Variants in PARM1 observed in about 807,000 individuals in gnomAD.
PARM1 encodes WSC4, cell wall integrity and stress response component 4 homolog.
PARM1 carries 14 observed loss-of-function variants against 24.6 expected under a neutral mutation model. The observed-to-expected ratio is 0.57, with a 90% CI of 0.38 to 0.89. The LOEUF (loss-of-function observed/expected upper bound fraction) is 0.89. Among genes scored for constraint, PARM1 ranks in the 40% least tolerant of loss-of-function variants. The pLI, the probability that PARM1 is intolerant of heterozygous loss-of-function variation, is 0.00. For synonymous variants in PARM1, 179 were observed against 156.6 expected (o/e 1.14, Z -1.07); for missense variants, 362 against 380.4 (o/e 0.95, Z 0.40).
In PARM1 at chr4:75,033,895, C is replaced by T; in HGVS notation, c.782C>T (p.Ala261Val). The change falls in exon 3 of 4, where the codon GCC becomes GTC. Residue 261 changes from alanine to valine, a missense_variant. Transcript: ENST00000307428. Reference sequence around the variant, plus strand: ...TCCTCCTTCACAGGCAGCATCGCCGCCATTACCGTGACAGTCATTGCCGTG... The same window carrying T: ...TCCTCCTTCACAGGCAGCATCGCCGTCATTACCGTGACAGTCATTGCCGTG... ...EHALSSGSIA[A>V]ITVTVIAVVL... 1 of 1,601,512 alleles carries T rather than the reference C, an allele frequency of 6.2e-7. No individual in the cohort carries two copies. The highest frequency in any genetic ancestry group is 8.5e-7 in the Non-Finnish European group (1 of 1,173,864).
chr4:74,940,286 GT>G (rs1337674529), intron 1 of PARM1, among the ~76,000 whole-genome samples: 1 of 152,126 alleles, frequency 6.6e-6, no homozygotes, highest in Non-Finnish European at 1.5e-5. Flanking sequence ...TTATGACATG[GT>G]TTTAGTTTTG....
chr4:74,994,214 GACAAATTCCTAAAAATCAAAA>G (rs1387271844), intron 1 of PARM1: 1 of 152,052 alleles, frequency 6.6e-6, no homozygotes, highest in Non-Finnish European at 1.5e-5. Context: ...ACTCCCAAGA[GACAAATTCCTAAAAATCAAAA>G]ACATAATTAC....
intron 2 of PARM1, among the ~76,000 whole-genome samples, chr4:75,027,148 T>A (rs1723197941): frequency 6.6e-6 from 1 of 152,112 alleles, no homozygotes; most frequent in Non-Finnish European, 1.5e-5. Flanking sequence ...ATACAGAGGC[T>A]GGCACTACTC....
At chr4:74,982,236 C>T (rs1472105708) in intron 1 of PARM1, among the ~76,000 whole-genome samples, 2 of 152,030 alleles carry the variant, frequency 1.3e-5, no homozygotes, top group African/African-American at 4.8e-5. Flanking sequence ...TAACTGGGAG[C>T]CGAACAATGT....
intron 1 of PARM1, among the ~76,000 whole-genome samples, chr4:75,009,656 A>G (rs1722835273): frequency 6.6e-6 from 1 of 152,204 alleles, no homozygotes; most frequent in African/African-American, 2.4e-5. Context: ...CCATAACTAA[A>G]GTGACATGTG....
At chr4:74,937,268 TG>T (rs1387428439) in intron 1 of PARM1, among the ~76,000 whole-genome samples, 3 of 152,282 alleles carry the variant, frequency 2.0e-5, no homozygotes, top group Non-Finnish European at 4.4e-5. Flanking sequence ...CATGATTTGT[TG>T]GGGGTGGTTG....
intron 3 of PARM1, among the ~76,000 whole-genome samples, chr4:75,034,274 A>G (rs1339224603): frequency 3.3e-5 from 5 of 152,198 alleles, no homozygotes; most frequent in Non-Finnish European, 7.3e-5. Context: ...ACCCTGGGAA[A>G]GCCACATGCC....
intron 1 of PARM1, among the ~76,000 whole-genome samples, chr4:74,985,415 C>G (rs1722332293): frequency 6.6e-6 from 1 of 152,166 alleles, no homozygotes; most frequent in African/African-American, 2.4e-5. Context: ...TGCTGGGGCC[C>G]ATGGAAGACT....
rs1035952367 is a variant in PARM1, at chr4:75,033,838, C to G, written c.770-45C>G. On this transcript the variant is annotated intron_variant, in intron 2 of 3. Coordinates refer to ENST00000307428, the MANE Select transcript of PARM1 (RefSeq NM_015393.4). ...CGCACGCCAAAGTCACATGATGCCCCGTATCCTCATGTATCTTCTTTTCTG... is the reference window on the plus strand; with the variant it reads ...CGCACGCCAAAGTCACATGATGCCCGGTATCCTCATGTATCTTCTTTTCTG... 6.0e-6 allele frequency: 9 copies of G among 1,505,718 alleles called. No homozygotes were observed. The African/African-American group carries it at 8.3e-5, about 14-fold the overall frequency. 93.3% of individuals were successfully genotyped at this position (1,505,718 alleles called of 1,614,324 possible). A position where few individuals can be genotyped will look rare whatever the true frequency, so the allele number is the denominator to read the frequency against.
chr4:75,023,158 G>A lies in PARM1; in HGVS notation c.769+10008G>A, dbSNP rs536099097. Reference sequence around the variant, plus strand: ...CCATATTTCCATGTGGAGAAATCACGGAGTCATTTCAAAGACAGGCTGTAG... The same window carrying A: ...CCATATTTCCATGTGGAGAAATCACAGAGTCATTTCAAAGACAGGCTGTAG... On this transcript the variant is annotated intron_variant, in intron 2 of 3. Transcript: ENST00000307428. 1.9e-4 allele frequency among the ~76,000 whole-genome samples: 29 copies of A among 152,262 alleles called. 1 individual carries two copies. In the South Asian group the frequency reaches 5.2e-3, roughly 27 times the overall value.
intron 3 of PARM1, among the ~76,000 whole-genome samples, chr4:75,039,270 G>A (rs141445095): frequency 0.022 from 3,277 of 152,212 alleles, 135 homozygotes; most frequent in African/African-American, 0.075. Flanking sequence ...GGTGGCTCAC[G>A]CCTGTAATCC....
chr4:74,981,103 T>C (rs987352129), intron 1 of PARM1, among the ~76,000 whole-genome samples: 4 of 152,056 alleles, frequency 2.6e-5, no homozygotes, highest in East Asian at 1.9e-4. Flanking sequence ...AAAGCAAACA[T>C]TGAAAAATGA....
chr4:75,048,235 C>G lies in PARM1; in HGVS notation c.*1988C>G, dbSNP rs1380621822. 2.0e-5 allele frequency: 3 copies of G among 152,134 alleles called. No individual in the cohort carries two copies. Among genetic ancestry groups the G allele is most frequent in the Admixed American group, 1.3e-4 (2 of 15,276 alleles). The allele number at this position is 152,134 out of a possible 1,614,324, so 9.4% of individuals were successfully genotyped here. A position where few individuals can be genotyped will look rare whatever the true frequency, so the allele number is the denominator to read the frequency against. Reference sequence around the variant, plus strand: ...AATTCTGAAAAAAATTATTCCTAAACTCTCTAAGTGTGGACGGAGAATGAG... The same window carrying G: ...AATTCTGAAAAAAATTATTCCTAAAGTCTCTAAGTGTGGACGGAGAATGAG... On this transcript the variant is annotated 3_prime_UTR_variant, in exon 4 of 4. Coordinates refer to ENST00000307428, the MANE Select transcript of PARM1 (RefSeq NM_015393.4).
chr4:75,012,120 C>T (rs1722881634), intron 1 of PARM1, among the ~76,000 whole-genome samples: 1 of 152,162 alleles, frequency 6.6e-6, no homozygotes, highest in Non-Finnish European at 1.5e-5. Flanking sequence ...GTCTTACTCT[C>T]TAAGGACATG....
intron 2 of PARM1, among the ~76,000 whole-genome samples, chr4:75,029,193 G>C (rs1054197501): frequency 2.0e-5 from 3 of 152,172 alleles, no homozygotes; most frequent in Admixed American, 1.3e-4. Context: ...CAGAGCTAAA[G>C]CAGGGAAAGG....
intron 1 of PARM1, among the ~76,000 whole-genome samples, chr4:74,964,575 A>ACACACACACT (rs1026688531): frequency 3.3e-5 from 5 of 151,836 alleles, no homozygotes; most frequent in African/African-American, 1.2e-4. Flanking sequence ...ACACACACAC[A>ACACACACACT]CACATTGCAT....
intron 1 of PARM1, among the ~76,000 whole-genome samples, chr4:75,006,285 G>C (rs1472668527): frequency 6.0e-5 from 9 of 150,518 alleles, no homozygotes; most frequent in Admixed American, 3.3e-4. Context: ...AATGCTATCC[G>C]TCCCCCCTCC....
intron 1 of PARM1, among the ~76,000 whole-genome samples, chr4:74,969,268 T>C (rs1207556666): frequency 6.6e-6 from 1 of 152,164 alleles, no homozygotes; most frequent in Non-Finnish European, 1.5e-5. Context: ...CTAAGGCCCT[T>C]TTGTGGCTGT....
chr4:75,017,582 C>A (rs1227696910), intron 2 of PARM1, among the ~76,000 whole-genome samples: 2 of 152,192 alleles, frequency 1.3e-5, no homozygotes, highest in African/African-American at 2.4e-5. Context: ...GATCCCTTTC[C>A]CTACTTAATT....
Sources: allele counts gnomAD v4.1 joint callset (sites outside exome capture counted in the v4.1 genomes callset), GRCh38; gene constraint gnomAD v4.1.1; transcripts MANE v1.5; gene names NCBI Gene and HGNC (gene_info 2026-07-23, HGNC 2026-07-21).